Variants in FILIP1L observed in about 807,000 individuals in gnomAD.
The protein encoded by FILIP1L is filamin A-interacting protein 1-like.
A neutral mutation model predicts 96.6 loss-of-function variants in FILIP1L; 55 were observed. That is an observed-to-expected ratio of 0.57 (90% confidence interval 0.46 to 0.71). FILIP1L has a LOEUF of 0.71. Among genes scored for constraint, FILIP1L ranks in the 30% least tolerant of loss-of-function variants. The pLI is 0.00. For missense variants in FILIP1L, 1,304 were observed against 1,321.2 expected (o/e 0.99, Z 0.20); for synonymous variants, 467 against 473.9 (o/e 0.99, Z 0.19).
intron 4 of FILIP1L, among the ~76,000 whole-genome samples, chr3:99,866,458 A>C (rs1397327038): frequency 6.6e-6 from 1 of 152,200 alleles, no homozygotes; most frequent in Non-Finnish European, 1.5e-5. Context: ...TACTGAAGTC[A>C]CAGTTTGCCA....
At chr3:99,939,675 A>T (rs578181562) in intron 1 of FILIP1L, among the ~76,000 whole-genome samples, 1 of 152,322 alleles carries the variant, frequency 6.6e-6, no homozygotes, top group East Asian at 1.9e-4. Flanking sequence ...CAAAAATTTG[A>T]TAGTAGGTGT....
At chr3:99,840,830 A>G (rs1943100782) in intron 5 of FILIP1L, among the ~76,000 whole-genome samples, 1 of 152,166 alleles carries the variant, frequency 6.6e-6, no homozygotes, top group South Asian at 2.1e-4. Context: ...ATAAACTAGA[A>G]CCTGATCTAT....
intron 4 of FILIP1L, among the ~76,000 whole-genome samples, chr3:99,872,673 G>A (rs560174142): frequency 9.5e-4 from 145 of 152,084 alleles, no homozygotes; most frequent in Middle Eastern, 3.4e-3. Context: ...GAAATGTGAG[G>A]ACGGTCAGAC....
At chr3:99,916,262 A>G (rs1706946149) in intron 4 of FILIP1L, among the ~76,000 whole-genome samples, 1 of 151,862 alleles carries the variant, frequency 6.6e-6, no homozygotes, top group African/African-American at 2.4e-5. Flanking sequence ...TGTCCTTGCC[A>G]CTCCTGATTC....
At chr3:100,021,956 T>TGAGA (rs1271947896) in intron 1 of FILIP1L, among the ~76,000 whole-genome samples, 42 of 94,602 alleles carry the variant, frequency 4.4e-4, no homozygotes, top group Admixed American at 1.2e-3. Context: ...TGTGTGTGTG[T>TGAGA]GTGTGAGAGA....
chr3:99,980,749 C>T lies in FILIP1L; in HGVS notation c.-10-49719G>A, dbSNP rs193245270. 8.5e-5 allele frequency among the ~76,000 whole-genome samples: 13 copies of T among 152,188 alleles called. No homozygotes were observed. The East Asian group carries it at 2.3e-3, about 27-fold the overall frequency. On this transcript the variant is annotated intron_variant, in intron 1 of 5. Transcript: ENST00000477258. Reference sequence around the variant, plus strand: ...CACTTGGTAAGTTCTCACTGTTATCCGTTCTGCATTATTATTAGTTACAGG... The same window carrying T: ...CACTTGGTAAGTTCTCACTGTTATCTGTTCTGCATTATTATTAGTTACAGG...
intron 1 of FILIP1L, among the ~76,000 whole-genome samples, chr3:99,971,172 CT>C (rs1708807749): frequency 6.6e-6 from 1 of 152,058 alleles, no homozygotes; most frequent in South Asian, 2.1e-4. Context: ...CCCGTCTCTA[CT>C]AAAAATACAA....
chr3:99,981,829 G>A (rs781194628), intron 1 of FILIP1L, among the ~76,000 whole-genome samples: 4 of 152,120 alleles, frequency 2.6e-5, no homozygotes, highest in Non-Finnish European at 4.4e-5. Flanking sequence ...GGGAAGGTTC[G>A]TGAGACAACA....
intron 4 of FILIP1L, among the ~76,000 whole-genome samples, chr3:99,915,867 A>T (rs1167074987): frequency 6.6e-6 from 1 of 151,684 alleles, no homozygotes; most frequent in Non-Finnish European, 1.5e-5. Context: ...CCACTTGAAA[A>T]CTCTTATTAA....
At chr3:99,841,695 A>G (rs1943139519) in intron 5 of FILIP1L, among the ~76,000 whole-genome samples, 1 of 152,226 alleles carries the variant, frequency 6.6e-6, no homozygotes, top group Admixed American at 6.5e-5. Context: ...CAATTCTCAA[A>G]AGAAGATATA....
chr3:100,067,654 T>A (rs2065689678), intron 1 of FILIP1L, among the ~76,000 whole-genome samples: 2 of 152,196 alleles, frequency 1.3e-5, no homozygotes, highest in Non-Finnish European at 2.9e-5. Context: ...GATGATTCAA[T>A]TTTCAGTAGT....
chr3:99,914,103 A>G (rs1221077388), intron 4 of FILIP1L, among the ~76,000 whole-genome samples: 1 of 152,206 alleles, frequency 6.6e-6, no homozygotes, highest in Admixed American at 6.5e-5. Flanking sequence ...CTTAGATCCC[A>G]CTATTTTCAA....
intron 1 of FILIP1L, among the ~76,000 whole-genome samples, chr3:99,937,499 G>A (rs1285522258): frequency 6.6e-6 from 1 of 152,236 alleles, no homozygotes; most frequent in African/African-American, 2.4e-5. Context: ...GAATCAAATA[G>A]AACTGGTCTT....
intron 1 of FILIP1L, among the ~76,000 whole-genome samples, chr3:100,062,277 A>AT (rs1193369102): frequency 1.3e-5 from 2 of 151,006 alleles, no homozygotes; most frequent in African/African-American, 4.9e-5. Context: ...ACGCCCAGCT[A>AT]TTTTTTTGTA....
At chr3:100,026,139 A>G (rs1478889494) in intron 1 of FILIP1L, among the ~76,000 whole-genome samples, 10 of 152,172 alleles carry the variant, frequency 6.6e-5, no homozygotes, top group Admixed American at 6.6e-4. Context: ...CTGTATCAGG[A>G]TGCTGTCAAA....
chr3:100,033,216 T>C (rs1452609912), intron 1 of FILIP1L, among the ~76,000 whole-genome samples: 1 of 152,226 alleles, frequency 6.6e-6, no homozygotes, highest in African/African-American at 2.4e-5. Flanking sequence ...TTGTGCCTTG[T>C]AACATTTGTG....
intron 1 of FILIP1L, chr3:100,010,164 A>G: frequency 2.1e-6 from 2 of 971,872 alleles, no homozygotes; most frequent in Non-Finnish European, 2.4e-6. Context: ...ATTTCATTTG[A>G]TGGAATTTTC....
chr3:100,089,226 A>G (rs1297222645), intron 1 of FILIP1L, among the ~76,000 whole-genome samples: 6 of 152,198 alleles, frequency 3.9e-5, no homozygotes, highest in Admixed American at 6.5e-5. Context: ...ATATGTAGTA[A>G]TCTTATTGAT....
intron 3 of FILIP1L, among the ~76,000 whole-genome samples, chr3:99,924,956 G>A (rs562729630): frequency 6.6e-6 from 1 of 152,164 alleles, no homozygotes; most frequent in East Asian, 1.9e-4. Flanking sequence ...GTCCCTGTGG[G>A]TATCAACTGT....
Sources: allele counts gnomAD v4.1 joint callset (sites outside exome capture counted in the v4.1 genomes callset), GRCh38; gene constraint gnomAD v4.1.1; transcripts MANE v1.5; gene names NCBI Gene and HGNC (gene_info 2026-07-23, HGNC 2026-07-21).